ZFPM2: variants seen among roughly 807,000 people sequenced by gnomAD.
ZFPM2 encodes the protein zinc finger protein ZFPM2.
Under a neutral mutation model 98.6 loss-of-function variants are expected in ZFPM2, and 20 were observed. That is an observed-to-expected ratio of 0.20 (90% CI 0.14 to 0.29). The LOEUF (loss-of-function observed/expected upper bound fraction) is 0.29. ZFPM2 is among the 10% of genes least tolerant of loss of function. The pLI is 1.00. For synonymous variants in ZFPM2, 518 were observed against 502.7 expected, an observed-to-expected ratio of 1.03 and a Z score of -0.41; for missense variants, 1,310 against 1,388.6, an observed-to-expected ratio of 0.94 and a Z score of 0.90.
intron 5 of ZFPM2, among the ~76,000 whole-genome samples, chr8:105,708,763 T>G (rs1811318135): frequency 6.6e-6 from 1 of 152,136 alleles, no homozygotes; most frequent in East Asian, 1.9e-4. Flanking sequence ...TAGATAAGAG[T>G]TTTTATATCC....
intron 1 of ZFPM2, among the ~76,000 whole-genome samples, chr8:105,384,651 G>A (rs542009371): frequency 7.2e-5 from 11 of 152,102 alleles, no homozygotes; most frequent in South Asian, 6.3e-4. Flanking sequence ...ACATTAACCC[G>A]TTTGGAGCAA....
intron 4 of ZFPM2, among the ~76,000 whole-genome samples, chr8:105,632,899 GT>G (rs1267074421): frequency 2.6e-5 from 4 of 151,708 alleles, no homozygotes; most frequent in Non-Finnish European, 4.4e-5. Flanking sequence ...ATTTGAAGTA[GT>G]TTTTTTTCAG....
intron 1 of ZFPM2, among the ~76,000 whole-genome samples, chr8:105,328,185 T>G (rs1812149640): frequency 6.6e-6 from 1 of 151,824 alleles, no homozygotes; most frequent in African/African-American, 2.4e-5. Context: ...TGAAGAAATT[T>G]TATGCTGTTT....
chr8:105,345,541 G>A (rs1812507672), intron 1 of ZFPM2, among the ~76,000 whole-genome samples: 1 of 148,536 alleles, frequency 6.7e-6, no homozygotes, highest in Non-Finnish European at 1.5e-5. Flanking sequence ...ATCAAGGGAA[G>A]TTCATGCTTC....
At position 105,733,331 on chromosome 8, in the gene ZFPM2, TG is replaced by T. The variant is rs527417864; in HGVS notation, c.533-55384del. ...AGTTCATTCCTTTGCATAGTACAGA[TG>T]GGTCTAAGGGCTATCCTTTAAAAAA... On this transcript the variant is annotated intron_variant, in intron 5 of 7. Transcript: ENST00000407775. Among the ~76,000 whole-genome samples the T allele has an allele frequency of 2.0e-5, 3 of 151,992 alleles. No homozygotes were observed. The South Asian group carries it at 6.2e-4, about 31-fold the overall frequency.
At chr8:105,393,366 CTTTCTTTCTTTCTTT>C (rs1811153835) in intron 1 of ZFPM2, among the ~76,000 whole-genome samples, 5 of 107,252 alleles carry the variant, frequency 4.7e-5, no homozygotes, top group African/African-American at 1.9e-4. Flanking sequence ...TTCTTTCTTT[CTTTCTTTCTTTCTTT>C]CTTTCTTTCT....
At chr8:105,526,899 C>T (rs115064664) in intron 3 of ZFPM2, among the ~76,000 whole-genome samples, 1,563 of 152,152 alleles carry the variant, frequency 0.01, 27 homozygotes, top group African/African-American at 0.036. Flanking sequence ...CTCATCCTGT[C>T]CTTCACATCT....
chr8:105,512,630 G>A (rs1205065000), intron 3 of ZFPM2, among the ~76,000 whole-genome samples: 1 of 152,078 alleles, frequency 6.6e-6, no homozygotes, highest in African/African-American at 2.4e-5. Flanking sequence ...AAGGGTGAAT[G>A]TATCTCAAAA....
intron 5 of ZFPM2, among the ~76,000 whole-genome samples, chr8:105,755,171 A>G (rs1305552412): frequency 6.6e-6 from 1 of 152,156 alleles, no homozygotes; most frequent in Non-Finnish European, 1.5e-5. Context: ...TAAGAGAAGC[A>G]TTGGAAAGAC....
chr8:105,486,110 T>C (rs1232556837), intron 3 of ZFPM2, among the ~76,000 whole-genome samples: 2 of 152,158 alleles, frequency 1.3e-5, no homozygotes, highest in East Asian at 2.0e-4. Flanking sequence ...CATTATTCCT[T>C]CTGCTTGACT....
At chr8:105,434,078 ACT>A (rs908962513) in intron 2 of ZFPM2, among the ~76,000 whole-genome samples, 2 of 152,144 alleles carry the variant, frequency 1.3e-5, no homozygotes, top group African/African-American at 4.8e-5. Flanking sequence ...AGATGGGAAA[ACT>A]CTGCATTTTA....
intron 4 of ZFPM2, among the ~76,000 whole-genome samples, chr8:105,630,921 A>G (rs1440817332): frequency 6.6e-6 from 1 of 152,172 alleles, no homozygotes; most frequent in Non-Finnish European, 1.5e-5. Flanking sequence ...TTTAGCATTG[A>G]AAGTACAGCC....
At chr8:105,617,363 G>T (rs1248363542) in intron 4 of ZFPM2, among the ~76,000 whole-genome samples, 1 of 152,100 alleles carries the variant, frequency 6.6e-6, no homozygotes, top group Non-Finnish European at 1.5e-5. Context: ...AAACTGCTCT[G>T]TCAGATTTTG....
intron 1 of ZFPM2, among the ~76,000 whole-genome samples, chr8:105,335,099 A>G (rs960544494): frequency 1.3e-5 from 2 of 151,786 alleles, no homozygotes; most frequent in Non-Finnish European, 2.9e-5. Flanking sequence ...TTTGTCAGAT[A>G]ATTTTGAAAG....
intron 5 of ZFPM2, among the ~76,000 whole-genome samples, chr8:105,722,995 A>T (rs1811705198): frequency 6.6e-6 from 1 of 151,852 alleles, no homozygotes; most frequent in Admixed American, 6.6e-5. Flanking sequence ...CAGATTATCT[A>T]ATGTTAATCT....
intron 3 of ZFPM2, among the ~76,000 whole-genome samples, chr8:105,534,955 G>T (rs1814418349): frequency 6.6e-6 from 1 of 152,126 alleles, no homozygotes; most frequent in South Asian, 2.1e-4. Context: ...CAAGTTTTCA[G>T]ACACTACTTA....
intron 5 of ZFPM2, among the ~76,000 whole-genome samples, chr8:105,711,023 C>T (rs1043974085): frequency 4.6e-5 from 7 of 151,900 alleles, no homozygotes; most frequent in African/African-American, 1.7e-4. Context: ...TTTTGATTCT[C>T]CCCTCTTCCT....
intron 3 of ZFPM2, among the ~76,000 whole-genome samples, chr8:105,547,789 G>C (rs966637589): frequency 6.6e-6 from 1 of 151,912 alleles, no homozygotes; most frequent in African/African-American, 2.4e-5. Flanking sequence ...TGTTTTGACA[G>C]ATATACATAA....
At chr8:105,621,255 T>C (rs796655354) in intron 4 of ZFPM2, among the ~76,000 whole-genome samples, 22 of 152,282 alleles carry the variant, frequency 1.4e-4, no homozygotes, top group African/African-American at 4.8e-4. Flanking sequence ...CCCTTGTAAG[T>C]TGGATTCCTA....
Sources: gnomAD v4.1 joint callset for allele counts (sites outside exome capture counted in the v4.1 genomes callset) on GRCh38, gnomAD v4.1.1 for gene constraint, MANE v1.5 for transcripts, NCBI Gene and HGNC (gene_info 2026-07-23, HGNC 2026-07-21) for gene names.